SPEN: variants seen among roughly 807,000 people sequenced by gnomAD.
The protein encoded by SPEN is spen family transcriptional repressor.
Under a neutral mutation model 269.9 loss-of-function variants are expected in SPEN, and 18 were observed. The ratio of observed to expected loss-of-function variants is 0.07; its 90% CI spans 0.05 to 0.10. The LOEUF (loss-of-function observed/expected upper bound fraction) is 0.10, where lower values mean the gene tolerates loss of function less well. Ranked by LOEUF, SPEN falls within the 10% of genes least tolerant of loss-of-function variation. The probability of loss-of-function intolerance (pLI) is 1.00; values close to 1 mark genes in which losing one functional copy is unlikely to be tolerated. For missense variants in SPEN, 3,822 were observed against 4,631.2 expected, an observed-to-expected ratio of 0.83 and a Z score of 5.07; for synonymous variants, 1,726 against 1,765.7, an observed-to-expected ratio of 0.98 and a Z score of 0.56.
chr1:15,873,889 G>A, intron 2 of SPEN: 1 of 1,119,744 alleles, frequency 8.9e-7, no homozygotes, highest in East Asian at 6.4e-5. Flanking sequence ...AGGGAAAGAG[G>A]ATTACTATAT....
rs2071183776 is a variant in SPEN, at chr1:15,928,007, A to G, written c.1851-84A>G. The stretch of plus-strand genomic sequence containing the variant: ...TAATGTCAAAAGATTTTTTAGAAGC[A>G]GGAATTTCTGATTTCATATGTATGA... On this transcript the variant is annotated intron_variant, in intron 10 of 14. Transcript: ENST00000375759. This position sits in a 1 kb window ranked among gnomAD's most constrained non-coding sequence, Gnocchi z 5.7. The G allele has an allele frequency of 9.5e-6, 12 of 1,260,806 alleles. No homozygotes were observed. The African/African-American group carries it at 1.1e-4, about 11-fold the overall frequency. The allele number at this position is 1,260,806 out of a possible 1,614,324, so 78.1% of individuals were successfully genotyped here.
chr1:15,913,782 A>C (rs907880437), intron 5 of SPEN, among the ~76,000 whole-genome samples: 1 of 151,974 alleles, frequency 6.6e-6, no homozygotes, highest in African/African-American at 2.4e-5. Flanking sequence ...GCTTAAGCCC[A>C]GGAGTTTGAG....
At position 15,876,630 on chromosome 1, in the gene SPEN, C is replaced by T. The variant is rs2070633698; in HGVS notation, c.833C>T (p.Ser278Phe). 6.2e-7 allele frequency: 1 copy of T among 1,613,754 alleles called. No homozygotes were observed. Among genetic ancestry groups the T allele is most frequent in the Non-Finnish European group, 8.5e-7 (1 of 1,179,988 alleles). The change falls in exon 3 of 15, where the codon TCC (serine) becomes TTC (phenylalanine). Residue 278 changes from serine to phenylalanine, a missense_variant. By Grantham distance (155) the Ser-to-Phe change is radical (BLOSUM62 -2). Around this residue, in one of 16 missense-constraint regions of SPEN, gnomAD observed 327 missense variants for 350.8 expected, o/e 0.93. Transcript: ENST00000375759. ...AGCGGCAGCGGCTCTAGAAGTAGATCCTCCAGTAGTGATTCAATCAGCAGC... is the reference window on the plus strand; with the variant it reads ...AGCGGCAGCGGCTCTAGAAGTAGATTCTCCAGTAGTGATTCAATCAGCAGC... ...SPSGSGSRSRSSSSDSISSSS... is the reference protein window; with the variant it reads ...SPSGSGSRSRFSSSDSISSSS...
At position 15,933,644 on chromosome 1, in the gene SPEN, CATACCCACA is replaced by C; in HGVS notation, c.7405_7413del (p.Ile2469_Thr2471del). ...CCCCACCCAGCGATCCAAGCATCCC[CATACCCACA>C]CTGCCTTCTGTAACTGCAGCAAAGC... On this transcript the variant is annotated inframe_deletion, in exon 11 of 15. Coordinates refer to ENST00000375759, the MANE Select transcript of SPEN (RefSeq NM_015001.3). This position sits in a 1 kb window ranked among gnomAD's most constrained non-coding sequence, Gnocchi z 5.7. The C allele has an allele frequency of 6.2e-7, 1 of 1,614,164 alleles. No homozygotes were observed. Among genetic ancestry groups the C allele is most frequent in the Non-Finnish European group, 8.5e-7 (1 of 1,180,016 alleles).
rs1276690568 is a variant in SPEN at position 15,909,385 on chromosome 1, C to G, written c.946C>G (p.Pro316Ala). The G allele has an allele frequency of 6.2e-7, 1 of 1,614,112 alleles. No homozygotes were observed. Among genetic ancestry groups the G allele is most frequent in the South Asian group, 1.1e-5 (1 of 91,064 alleles). Residue 316 changes from proline (P) to alanine (A), a missense_variant, in exon 4 of 15, where the codon CCT becomes GCT. Transcript: ENST00000375759. ...PARSVQSAAV[P>A]APTSQLLSSL... Reference sequence around the variant, plus strand: ...TCGATCAGTTCAGTCTGCAGCAGTCCCTGCACCCACTTCCCAGTTGCTTTC... The same window carrying G: ...TCGATCAGTTCAGTCTGCAGCAGTCGCTGCACCCACTTCCCAGTTGCTTTC...
At chr1:15,888,813 T>C (rs1189974664) in intron 3 of SPEN, among the ~76,000 whole-genome samples, 1 of 151,786 alleles carries the variant, frequency 6.6e-6, no homozygotes, top group African/African-American at 2.4e-5. Context: ...GTATTTTTAG[T>C]AGAGACAGGG....
intron 3 of SPEN, among the ~76,000 whole-genome samples, chr1:15,900,012 AT>A (rs1265687540): frequency 6.6e-6 from 1 of 151,876 alleles, no homozygotes; most frequent in East Asian, 1.9e-4. Context: ...TGCCTGGCTA[AT>A]TTTTGTATTG....
In SPEN at chr1:15,933,138, G is replaced by A; in HGVS notation, c.6898G>A (p.Glu2300Lys). The A allele has an allele frequency of 6.2e-7, 1 of 1,614,092 alleles. No homozygotes were observed. Among genetic ancestry groups the A allele is most frequent in the South Asian group, 1.1e-5 (1 of 91,076 alleles). Residue 2300 changes from glutamate (E) to lysine (K), a missense_variant, in exon 11 of 15, where the codon GAA becomes AAA. By Grantham distance (56) the Glu-to-Lys change is moderately conservative. Transcript: ENST00000375759. This position sits in a 1 kb window ranked among gnomAD's most constrained non-coding sequence, Gnocchi z 5.7. ...DPSAGPTDTKEARGNSSETSH... is the reference protein window; with the variant it reads ...DPSAGPTDTKKARGNSSETSH... ...CTCAGCCGGCCCAACAGATACCAAG[G>A]AAGCCAGAGGAAATAGCAGTGAAAC...
rs2071201246 is a variant in SPEN, at chr1:15,929,551, A to G, written c.3311A>G (p.Lys1104Arg). ...ESVENQEVQS[K>R]KPIPSKPQLK... ...GTGGAAAATCAAGAAGTCCAATCAA[A>G]AAAGCCCATTCCCTCAAAACCACAG... Residue 1104 changes from lysine (K) to arginine (R), a missense_variant, in exon 11 of 15, where the codon AAA becomes AGA. Coordinates refer to ENST00000375759, the MANE Select transcript of SPEN (RefSeq NM_015001.3). The surrounding 1 kb of genome is among the most constrained non-coding windows in gnomAD (Gnocchi z 5.8). 7 of 1,613,984 alleles carry G rather than the reference A, an allele frequency of 4.3e-6. No homozygotes were observed. The highest frequency in any genetic ancestry group is 1.7e-5 in the Admixed American group (1 of 59,996).
chr1:15,849,752 T>A (rs12726897), intron 1 of SPEN, among the ~76,000 whole-genome samples: 438 of 152,214 alleles, frequency 2.9e-3, no homozygotes, highest in African/African-American at 0.01. Context: ...CCCCACCTCC[T>A]GGCTTCTCCT....
rs946194765 is a variant in SPEN, at chr1:15,929,520, G to A, written c.3280G>A (p.Glu1094Lys). 2 of 1,613,702 alleles carry A rather than the reference G, an allele frequency of 1.2e-6. No homozygotes were observed. Among genetic ancestry groups the A allele is most frequent in the Admixed American group, 3.3e-5 (2 of 59,924 alleles). ...LQARLGELAG[E>K]SVENQEVQSK... ...AGCAAGACTGGGAGAACTAGCAGGT[G>A]AATCTGTGGAAAATCAAGAAGTCCA... The change falls in exon 11 of 15, where the codon GAA becomes AAA. Residue 1094 changes from glutamate to lysine, a missense_variant. Glu to Lys is a moderately conservative substitution (Grantham distance 56). Transcript: ENST00000375759. The surrounding 1 kb of genome is among the most constrained non-coding windows in gnomAD (Gnocchi z 5.8).
chr1:15,899,955 C>T (rs2070884659), intron 3 of SPEN, among the ~76,000 whole-genome samples: 1 of 152,006 alleles, frequency 6.6e-6, no homozygotes, highest in East Asian at 1.9e-4. Context: ...AAGCAGTTCT[C>T]CTGCCTCAGC....
intron 3 of SPEN, among the ~76,000 whole-genome samples, chr1:15,888,466 GGC>G: frequency 6.6e-6 from 1 of 151,848 alleles, no homozygotes; most frequent in Non-Finnish European, 1.5e-5. Flanking sequence ...TGGGATTACA[GGC>G]ACACGTCACC....
At chr1:15,874,078 C>T in intron 2 of SPEN, 2 of 1,330,506 alleles carry the variant, frequency 1.5e-6, no homozygotes, top group Middle Eastern at 3.1e-4. Flanking sequence ...TCCTCTTCTG[C>T]CAGCTACCTG....
At position 15,935,157 on chromosome 1, in the gene SPEN, C is replaced by G. The variant is rs758458212; in HGVS notation, c.8917C>G (p.Leu2973Val). ...CACCCTTAAAATCGAGACCAAGGTCCTTCAGCCGGCCAACCTGGGGTCCAC... is the reference window on the plus strand; with the variant it reads ...CACCCTTAAAATCGAGACCAAGGTCGTTCAGCCGGCCAACCTGGGGTCCAC... ...PVTLKIETKVLQPANLGSTLT... is the reference protein window; with the variant it reads ...PVTLKIETKVVQPANLGSTLT... The change falls in exon 11 of 15, where the codon CTT (leucine) becomes GTT (valine). Residue 2973 changes from leucine (L) to valine (V), a missense_variant. Physicochemically the swap from Leu to Val is conservative, Grantham distance 32. This residue lies in a region of SPEN where 94 missense variants were observed against 90.4 expected (regional missense o/e 1.04). Coordinates refer to ENST00000375759, the MANE Select transcript of SPEN (RefSeq NM_015001.3). The surrounding 1 kb of genome is among the most constrained non-coding windows in gnomAD (Gnocchi z 7.7). 1 of 1,614,056 alleles carries G rather than the reference C, an allele frequency of 6.2e-7. No homozygotes were observed.
intron 1 of SPEN, among the ~76,000 whole-genome samples, chr1:15,850,202 G>A (rs1372297862): frequency 1.3e-5 from 2 of 152,164 alleles, no homozygotes; most frequent in African/African-American, 4.8e-5. Flanking sequence ...GGAGGGGGCG[G>A]AGGATTCGAG....
intron 3 of SPEN, among the ~76,000 whole-genome samples, chr1:15,903,597 A>T (rs183385817): frequency 1.6e-3 from 249 of 152,226 alleles, no homozygotes; most frequent in African/African-American, 5.4e-3. Context: ...GCTGGTCTCA[A>T]ACTCCTGGGC....
intron 1 of SPEN, among the ~76,000 whole-genome samples, chr1:15,866,428 A>G (rs2070510921): frequency 6.6e-6 from 1 of 152,108 alleles, no homozygotes; most frequent in Admixed American, 6.6e-5. Flanking sequence ...ATCTTGGCTC[A>G]CTGCAAGCTC....
rs35841965 is a variant in SPEN at position 15,894,533 on chromosome 1, GT to G, written c.882-14786del. Among the ~76,000 whole-genome samples the G allele has an allele frequency of 5.6e-4, 76 of 136,006 alleles. 2 individuals are homozygous for G. Among genetic ancestry groups the G allele is most frequent in the South Asian group, 1.8e-3 (8 of 4,366 alleles). 89.2% of individuals were successfully genotyped at this position (136,006 alleles called of 152,430 possible). ...TAGATCCTAAAACTACCATATTATG[GT>G]TGTTTTTTTTTTTTTTTTTTTTTTT... On this transcript the variant is annotated intron_variant, in intron 3 of 14. Coordinates refer to ENST00000375759, the MANE Select transcript of SPEN (RefSeq NM_015001.3).
Sources: gnomAD v4.1 joint callset for allele counts (sites outside exome capture counted in the v4.1 genomes callset) on GRCh38, gnomAD v4.1.1 for gene constraint, gnomAD v4.1.1 regional missense constraint, Gnocchi (gnomAD v3.1) non-coding constraint, MANE v1.5 for transcripts, NCBI Gene and HGNC (gene_info 2026-07-23, HGNC 2026-07-21) for gene names.